The following RGPD4 variants were observed in gnomAD, a reference collection of about 807,000 sequenced individuals.
RGPD4 encodes the protein ranBP2-like and GRIP domain-containing protein 4.
RGPD4 carries 84 observed loss-of-function variants against 141.1 expected under a neutral mutation model. The observed-to-expected ratio is 0.60, with a 90% CI of 0.50 to 0.71. The LOEUF (loss-of-function observed/expected upper bound fraction) is 0.71, where lower values mean the gene tolerates loss of function less well. Among genes scored for constraint, RGPD4 ranks in the 30% least tolerant of loss-of-function variants. The pLI, the probability that RGPD4 is intolerant of heterozygous loss-of-function variation, is 0.00. For missense variants in RGPD4, 918 were observed against 1,622.4 expected, an observed-to-expected ratio of 0.57 and a Z score of 7.46; for synonymous variants, 298 against 566.8, an observed-to-expected ratio of 0.53 and a Z score of 6.74.
intron 21 of RGPD4, among the ~76,000 whole-genome samples, chr2:107,880,460 T>C (rs1227955482): frequency 1.3e-5 from 2 of 151,422 alleles, no homozygotes; most frequent in African/African-American, 4.9e-5. Flanking sequence ...GAGACAGGTT[T>C]TACCATGTTA....
At chr2:107,849,398 G>A (rs1462675312) in intron 7 of RGPD4, among the ~76,000 whole-genome samples, 2 of 110,838 alleles carry the variant, frequency 1.8e-5, no homozygotes, top group South Asian at 2.9e-4. Context: ...ACGGAGTCTC[G>A]CTCTGTCGCC....
intron 3 of RGPD4, among the ~76,000 whole-genome samples, 188 bp downstream of exon 3, chr2:107,838,556 C>T (rs561498558): frequency 3.1e-5 from 2 of 64,796 alleles, no homozygotes; most frequent in East Asian, 2.3e-4. Flanking sequence ...AAGTCTAACA[C>T]GGTCAGAAAT....
intron 21 of RGPD4, among the ~76,000 whole-genome samples, chr2:107,880,387 C>A (rs1675325871): frequency 6.7e-6 from 1 of 148,714 alleles, no homozygotes; most frequent in Admixed American, 6.7e-5. Flanking sequence ...CCTCAGCCTC[C>A]CAAGTAGCTG....
intron 20 of RGPD4, among the ~76,000 whole-genome samples, chr2:107,877,911 T>G (rs832355): frequency 0.015 from 2,324 of 151,784 alleles, 71 homozygotes; most frequent in African/African-American, 0.054. Flanking sequence ...CCTCCTGGCT[T>G]CCAGCAATTC....
rs771446417 is a variant in RGPD4 at position 107,827,034 on chromosome 2, C to A, written c.21C>A (p.Tyr7Ter). MSCSKA[Y>*]GERYVASVQG... ...GCGCGATGAGTTGCAGCAAGGCCTA[C>A]GGGGAGCGGTACGTCGCCTCCGTGC... Residue 7 changes from tyrosine (Y) to a stop codon, truncating the protein, a stop_gained, in exon 1 of 23, where the codon TAC (tyrosine) becomes TAA (stop). Coordinates refer to ENST00000408999, the MANE Select transcript of RGPD4 (RefSeq NM_182588.3). LOFTEE classifies it high-confidence loss of function. 17 of 1,599,476 alleles carry A rather than the reference C, an allele frequency of 1.1e-5. No homozygotes were observed. Among genetic ancestry groups the A allele is most frequent in the African/African-American group, 4.0e-5 (3 of 74,626 alleles).
At chr2:107,876,519 A>G (rs1683096867) in intron 20 of RGPD4, among the ~76,000 whole-genome samples, 1 of 151,168 alleles carries the variant, frequency 6.6e-6, no homozygotes, top group South Asian at 2.1e-4. Context: ...AGTGGCACTG[A>G]ATGTGTAGAA....
In RGPD4 at chr2:107,891,463, AT is replaced by A. The variant is rs1675655617; in HGVS notation, c.*733del. Among the ~76,000 whole-genome samples the A allele has an allele frequency of 8.9e-6, 1 of 112,808 alleles. No individual in the cohort carries two copies. Among genetic ancestry groups the A allele is most frequent in the Non-Finnish European group, 1.8e-5 (1 of 55,150 alleles). The allele number at this position is 112,808 out of a possible 152,430, so 74.0% of individuals were successfully genotyped here. A position where few individuals can be genotyped will look rare whatever the true frequency, so the allele number is the denominator to read the frequency against. ...GACATGTTAAGGGGCTATGAAGTAA[AT>A]ATGCTGCAGTTAATTGTGCTAAGTT... On this transcript the variant is annotated 3_prime_UTR_variant, in exon 23 of 23. Coordinates refer to ENST00000408999, the MANE Select transcript of RGPD4 (RefSeq NM_182588.3).
Position 107,871,820 on chromosome 2 carries a change from A to G in RGPD4, c.3816A>G (p.Pro1272=). Reference sequence around the variant, plus strand: ...GTAGTAGCTCAGTACATGCTTCTCCATTGGCAAGTAGCCCTGTGAGAAAAA... The same window carrying G: ...GTAGTAGCTCAGTACATGCTTCTCCGTTGGCAAGTAGCCCTGTGAGAAAAA... The part of the protein sequence containing the change: ...SVSSSSVHAS[P]LASSPVRKNL... Residue 1272 remains proline, a synonymous_variant, in exon 20 of 23, where the codon CCA becomes CCG. Transcript: ENST00000408999. 1 of 1,611,590 alleles carries G rather than the reference A, an allele frequency of 6.2e-7. No individual in the cohort carries two copies. Among genetic ancestry groups the G allele is most frequent in the Admixed American group, 1.7e-5 (1 of 59,994 alleles).
In RGPD4 at chr2:107,827,046, C is replaced by A. The variant is rs552522111; in HGVS notation, c.33C>A (p.Tyr11Ter). The change falls in exon 1 of 23, where the codon TAC (tyrosine) becomes TAA (stop). Residue 11 changes from tyrosine (Y) to a stop codon, truncating the protein, a stop_gained. Coordinates refer to ENST00000408999, the MANE Select transcript of RGPD4 (RefSeq NM_182588.3). LOFTEE classifies it high-confidence loss of function. MSCSKAYGER[Y>*]VASVQGSAPS... is the part of the protein sequence containing the mutation. Reference sequence around the variant, plus strand: ...GCAGCAAGGCCTACGGGGAGCGGTACGTCGCCTCCGTGCAGGGCTCCGCCC... The same window carrying A: ...GCAGCAAGGCCTACGGGGAGCGGTAAGTCGCCTCCGTGCAGGGCTCCGCCC... 3 of 1,598,072 alleles carry A rather than the reference C, an allele frequency of 1.9e-6. No homozygotes were observed. The highest frequency in any genetic ancestry group is 1.7e-6 in the Non-Finnish European group (2 of 1,173,732).
chr2:107,866,863 A>G (rs908963712), intron 18 of RGPD4, among the ~76,000 whole-genome samples: 1 of 145,388 alleles, frequency 6.9e-6, no homozygotes, highest in African/African-American at 2.6e-5. Flanking sequence ...CTTGCCTTAC[A>G]TAATTACTAT....
At chr2:107,833,281 G>A (rs1456891026) in intron 1 of RGPD4, among the ~76,000 whole-genome samples, 1 of 152,028 alleles carries the variant, frequency 6.6e-6, no homozygotes, top group Non-Finnish European at 1.5e-5. Flanking sequence ...TGAAAAAGTA[G>A]GCCACAAATG....
intron 7 of RGPD4, among the ~76,000 whole-genome samples, 184 bp from the exon 8 acceptor site, chr2:107,854,372 C>T (rs535218676): frequency 0.048 from 7,257 of 151,932 alleles, 212 homozygotes; most frequent in Non-Finnish European, 0.068. Flanking sequence ...CTGTACCTGG[C>T]CTATCTTTCA....
chr2:107,872,700 A>G lies in RGPD4; in HGVS notation c.4696A>G (p.Thr1566Ala). 1.9e-6 allele frequency: 3 copies of G among 1,611,502 alleles called. No homozygotes were observed. Among genetic ancestry groups the G allele is most frequent in the African/African-American group, 1.3e-5 (1 of 74,532 alleles). ...ATTTGCATTTGGCAACAGTTCTGCC[A>G]CTGGGTCTTTGTTTGGATTTAGTTT... ...KPFAFGNSSA[T>A]GSLFGFSFNA... The change falls in exon 20 of 23, where the codon ACT (threonine) becomes GCT (alanine). Residue 1566 changes from threonine (T) to alanine (A), a missense_variant. Thr to Ala is a moderately conservative substitution (Grantham distance 58). Transcript: ENST00000408999.
rs769126104 is a variant in RGPD4, at chr2:107,871,108, A to G, written c.3104A>G (p.Asp1035Gly). 39 of 1,611,028 alleles carry G rather than the reference A, an allele frequency of 2.4e-5. 1 individual carries two copies. The East Asian group carries it at 3.8e-4, about 16-fold the overall frequency. ...DDAYKTEDSD[D>G]IHFEPVVQMP... The stretch of plus-strand genomic sequence containing the variant: ...GCCTATAAGACTGAGGACAGCGATG[A>G]CATCCATTTTGAACCAGTAGTTCAA... The change falls in exon 20 of 23, where the codon GAC becomes GGC. Residue 1035 changes from aspartate (D) to glycine (G), a missense_variant. Transcript: ENST00000408999.
intron 18 of RGPD4, among the ~76,000 whole-genome samples, chr2:107,868,481 T>G (rs1385638843): frequency 6.6e-6 from 1 of 151,810 alleles, no homozygotes; most frequent in Admixed American, 6.6e-5. Context: ...TTGGTAGTTT[T>G]GCCATCTTCA....
At chr2:107,875,753 G>A (rs1259970846) in intron 20 of RGPD4, among the ~76,000 whole-genome samples, 1 of 103,458 alleles carries the variant, frequency 9.7e-6, no homozygotes, top group Non-Finnish European at 1.9e-5. Context: ...TTGAACACAG[G>A]CAAACTAGAT....
At chr2:107,846,989 C>G (rs943263033) in intron 6 of RGPD4, among the ~76,000 whole-genome samples, 16 of 151,684 alleles carry the variant, frequency 1.1e-4, no homozygotes, top group African/African-American at 3.9e-4. Context: ...GGCCTGTAAT[C>G]CCAGCACTTT....
At chr2:107,889,087 A>T (rs1477631930) in intron 22 of RGPD4, among the ~76,000 whole-genome samples, 1 of 150,522 alleles carries the variant, frequency 6.6e-6, no homozygotes, top group Non-Finnish European at 1.5e-5. Context: ...AATTTTGAAA[A>T]TGCTACTCTG....
intron 20 of RGPD4, among the ~76,000 whole-genome samples, chr2:107,876,862 T>C (rs1253732020): frequency 1.3e-5 from 2 of 152,104 alleles, no homozygotes; most frequent in Non-Finnish European, 2.9e-5. Context: ...GAATAAGCAG[T>C]CAGCTTACCA....
Sources: gnomAD v4.1 joint callset for allele counts (sites outside exome capture counted in the v4.1 genomes callset) on GRCh38, gnomAD v4.1.1 for gene constraint, MANE v1.5 for transcripts, NCBI Gene and HGNC (gene_info 2026-07-23, HGNC 2026-07-21) for gene names.